The following UBXN4 variants were observed in gnomAD, a reference collection of about 807,000 sequenced individuals.
UBXN4 encodes the protein UBX domain-containing protein 4.
UBXN4 carries 35 observed loss-of-function variants against 66.2 expected under a neutral mutation model. That is an observed-to-expected ratio of 0.53 (90% confidence interval 0.40 to 0.70). The LOEUF (loss-of-function observed/expected upper bound fraction) is 0.70. Among genes scored for constraint, UBXN4 ranks in the 30% least tolerant of loss-of-function variants. UBXN4 has a pLI of 0.00. For missense variants in UBXN4, 533 were observed against 599.8 expected, an observed-to-expected ratio of 0.89 and a Z score of 1.16; for synonymous variants, 203 against 204.5, an observed-to-expected ratio of 0.99 and a Z score of 0.06.
intron 9 of UBXN4, among the ~76,000 whole-genome samples, chr2:135,775,019 A>G (rs1341239849): frequency 6.6e-6 from 1 of 152,226 alleles, no homozygotes; most frequent in African/African-American, 2.4e-5. Flanking sequence ...CAAAGAAGAT[A>G]AACAAATGGC....
chr2:135,752,918 A>C (rs1184973067), intron 2 of UBXN4, among the ~76,000 whole-genome samples: 1 of 147,854 alleles, frequency 6.8e-6, no homozygotes, highest in African/African-American at 2.5e-5. Context: ...ACCAGATTTC[A>C]CCATGTTGGC....
chr2:135,755,104 C>A (rs570351149), intron 4 of UBXN4, among the ~76,000 whole-genome samples: 1 of 152,356 alleles, frequency 6.6e-6, no homozygotes, highest in South Asian at 2.1e-4. Flanking sequence ...CCAGTCTCAA[C>A]ACATAATGAA....
Position 135,770,617 on chromosome 2 carries a change from T to A in UBXN4, c.704T>A (p.Met235Lys), listed in dbSNP as rs747973307. Residue 235 changes from methionine to lysine, a missense_variant, in exon 8 of 13, where the codon ATG becomes AAG. Transcript: ENST00000272638. ...EIERRKTGKE[M>K]LDYKRKQEEE... Reference sequence around the variant, plus strand: ...GAGAGGAGAAAAACTGGAAAAGAAATGTTGGATTATAAAAGAAAACAAGAA... The same window carrying A: ...GAGAGGAGAAAAACTGGAAAAGAAAAGTTGGATTATAAAAGAAAACAAGAA... 23 of 1,547,652 alleles carry A rather than the reference T, an allele frequency of 1.5e-5. No homozygotes were observed. The Admixed American group carries it at 5.0e-4, about 34-fold the overall frequency.
At chr2:135,763,892 A>G (rs1406984798) in intron 6 of UBXN4, among the ~76,000 whole-genome samples, 1 of 152,180 alleles carries the variant, frequency 6.6e-6, no homozygotes, top group African/African-American at 2.4e-5. Flanking sequence ...TGAGAGGCTG[A>G]GATGGGTGGA....
At chr2:135,769,903 C>T in intron 7 of UBXN4, 80 bp downstream of exon 7, 1 of 1,239,914 alleles carries the variant, frequency 8.1e-7, no homozygotes, top group Non-Finnish European at 1.1e-6. Context: ...GTGTGGCAGG[C>T]CTAGGGTGAC....
chr2:135,769,108 T>C (rs1240878817), intron 6 of UBXN4, among the ~76,000 whole-genome samples: 1 of 152,176 alleles, frequency 6.6e-6, no homozygotes, highest in Non-Finnish European at 1.5e-5. Flanking sequence ...CTCAAGCAAT[T>C]CTGTTACCTT....
chr2:135,772,359 G>T (rs2077388192), intron 8 of UBXN4, 61 bp from the exon 9 acceptor site: 4 of 1,578,188 alleles, frequency 2.5e-6, no homozygotes, highest in East Asian at 2.3e-5. Flanking sequence ...TATTTGTTTG[G>T]AATTGTGTGA....
rs145794596 is a variant in UBXN4 at position 135,745,050 on chromosome 2, G to C, written c.82+3039G>C. Among the ~76,000 whole-genome samples, 607 of 152,280 alleles carry C rather than the reference G, an allele frequency of 4.0e-3. 4 individuals carry two copies. Among genetic ancestry groups the C allele is most frequent in the Non-Finnish European group, 6.2e-3 (422 of 68,022 alleles). On this transcript the variant is annotated intron_variant, in intron 1 of 12. Transcript: ENST00000272638. ...ACAAGAAGCAAGATTTATACTTTCA[G>C]CTACTTACGTGATATCACTGTTTAG...
chr2:135,769,799 A>G lies in UBXN4; in HGVS notation c.633A>G (p.Glu211=). 1 of 1,598,752 alleles carries G rather than the reference A, an allele frequency of 6.3e-7. No homozygotes were observed. The change falls in exon 7 of 13, where the codon GAA becomes GAG. Residue 211 remains glutamate, a synonymous_variant. Transcript: ENST00000272638. ...CAAAAAAACTTGAAGAAAGGAGAGA[A>G]GAGAAAAGAAAAGAGGAAGAACAGG... ...RLTKKLEERR[E]EKRKEEEQRE...
At chr2:135,770,354 C>T (rs1559542433) in intron 7 of UBXN4, among the ~76,000 whole-genome samples, 1 of 152,140 alleles carries the variant, frequency 6.6e-6, no homozygotes, top group Non-Finnish European at 1.5e-5. Flanking sequence ...TTATGCTTGC[C>T]TTCAAATTAC....
intron 2 of UBXN4, among the ~76,000 whole-genome samples, chr2:135,748,745 A>T (rs1559537405): frequency 6.6e-6 from 1 of 151,048 alleles, no homozygotes; most frequent in Non-Finnish European, 1.5e-5. Context: ...AAAAAAGAAT[A>T]TAGGCCAGGC....
rs188589379 is a variant in UBXN4, at chr2:135,771,386, G to T, written c.822+651G>T. The stretch of plus-strand genomic sequence containing the variant: ...TGCTACTTGGGAGGCTGAGGCAGGA[G>T]AATCACTTGAACCTAGGAGGTGGAA... On this transcript the variant is annotated intron_variant, in intron 8 of 12. Coordinates refer to ENST00000272638, the MANE Select transcript of UBXN4 (RefSeq NM_014607.4). Among the ~76,000 whole-genome samples the T allele has an allele frequency of 8.0e-3, 1,221 of 152,116 alleles. 13 individuals carry two copies. Among genetic ancestry groups the T allele is most frequent in the Middle Eastern group, 0.02 (6 of 294 alleles).
chr2:135,780,675 G>C (rs377665822), intron 12 of UBXN4, among the ~76,000 whole-genome samples: 1 of 152,280 alleles, frequency 6.6e-6, no homozygotes. Flanking sequence ...TATCAAGGCA[G>C]ATTTTTTTTT....
chr2:135,772,199 G>A (rs1212732392), intron 8 of UBXN4, among the ~76,000 whole-genome samples: 2 of 152,104 alleles, frequency 1.3e-5, no homozygotes, highest in Non-Finnish European at 2.9e-5. Context: ...GCACACACCT[G>A]TAGTCCCAGC....
chr2:135,754,121 G>A (rs936495010), intron 3 of UBXN4, 38 bp from the exon 4 acceptor site: 8 of 1,438,682 alleles, frequency 5.6e-6, no homozygotes, highest in Admixed American at 2.0e-5. Flanking sequence ...CTATCCTTTC[G>A]TTTCACATGA....
At chr2:135,760,886 T>G (rs929419946) in intron 5 of UBXN4, among the ~76,000 whole-genome samples, 3 of 152,218 alleles carry the variant, frequency 2.0e-5, no homozygotes, top group Non-Finnish European at 4.4e-5. Context: ...CTACCTAGGT[T>G]ATGCCCCTGA....
At chr2:135,756,721 T>G (rs2077280860) in intron 5 of UBXN4, among the ~76,000 whole-genome samples, 1 of 152,224 alleles carries the variant, frequency 6.6e-6, no homozygotes, top group African/African-American at 2.4e-5. Context: ...TGTTTCCCTC[T>G]GGTATAATAT....
At chr2:135,755,960 A>G (rs2077276983) in intron 5 of UBXN4, among the ~76,000 whole-genome samples, 1 of 152,198 alleles carries the variant, frequency 6.6e-6, no homozygotes. Context: ...AAGGAATGTC[A>G]TGACACTGAG....
At chr2:135,749,029 A>C (rs1272089423) in intron 2 of UBXN4, among the ~76,000 whole-genome samples, 1 of 151,974 alleles carries the variant, frequency 6.6e-6, no homozygotes, top group East Asian at 1.9e-4. Context: ...GCGAGAGAGC[A>C]AGACTATCTC....
Sources: allele counts gnomAD v4.1 joint callset (sites outside exome capture counted in the v4.1 genomes callset), GRCh38; gene constraint gnomAD v4.1.1; transcripts MANE v1.5; gene names NCBI Gene and HGNC (gene_info 2026-07-23, HGNC 2026-07-21).